The following DYNC2H1 variants were observed in gnomAD, a reference collection of about 807,000 sequenced individuals.
DYNC2H1 encodes the protein cytoplasmic dynein 2 heavy chain 1.
DYNC2H1 carries 410 observed loss-of-function variants against 570.0 expected under a neutral mutation model. The observed-to-expected ratio is 0.72, with a 90% confidence interval of 0.66 to 0.78. The LOEUF (loss-of-function observed/expected upper bound fraction) is 0.78, where lower values mean the gene tolerates loss of function less well. Ranked by LOEUF, DYNC2H1 falls within the 30% of genes least tolerant of loss-of-function variation. The pLI, the probability that DYNC2H1 is intolerant of heterozygous loss-of-function variation, is 0.00. For missense variants in DYNC2H1, 4,865 were observed against 5,046.4 expected, an observed-to-expected ratio of 0.96 and a Z score of 1.09; for synonymous variants, 1,688 against 1,677.6, an observed-to-expected ratio of 1.01 and a Z score of -0.15.
intron 55 of DYNC2H1, among the ~76,000 whole-genome samples, chr11:103,217,711 A>G (rs1863438068): frequency 1.3e-5 from 2 of 152,166 alleles, no homozygotes; most frequent in Admixed American, 1.3e-4. Flanking sequence ...TAGAAAAAGA[A>G]AATTGATAAA....
intron 13 of DYNC2H1, among the ~76,000 whole-genome samples, chr11:103,130,286 T>G (rs918054233): frequency 6.6e-6 from 1 of 152,160 alleles, no homozygotes; most frequent in African/African-American, 2.4e-5. Context: ...TGAGCCACTC[T>G]TATCAGAGTG....
Position 103,276,821 on chromosome 11 carries a change from A to G in DYNC2H1, c.10696-3527A>G, listed in dbSNP as rs144390284. 3.7e-3 allele frequency among the ~76,000 whole-genome samples: 558 copies of G among 152,156 alleles called. 2 individuals carry two copies. Among genetic ancestry groups the G allele is most frequent in the African/African-American group, 0.013 (533 of 41,552 alleles). ...CTTTCAATGACTGTCCTTATTTCTT[A>G]TTAGGAGCACATACGTGATCCCTTT... On this transcript the variant is annotated intron_variant, in intron 70 of 88. Coordinates refer to ENST00000375735, the MANE Select transcript of DYNC2H1 (RefSeq NM_001377.3).
intron 17 of DYNC2H1, 109 bp from the exon 18 acceptor site, chr11:103,143,159 C>T: frequency 1.9e-6 from 2 of 1,069,158 alleles, no homozygotes; most frequent in South Asian, 1.7e-5. Flanking sequence ...CACTTGAATA[C>T]CTCATATTTT....
At chr11:103,152,005 C>T (rs1379184991) in intron 20 of DYNC2H1, 131 bp from the exon 21 acceptor site, 1 of 1,047,236 alleles carries the variant, frequency 9.5e-7, no homozygotes, top group African/African-American at 1.6e-5. Context: ...AGGAATTTAA[C>T]AAACTGTTTA....
intron 82 of DYNC2H1, among the ~76,000 whole-genome samples, chr11:103,332,544 T>C (rs1294941289): frequency 6.6e-6 from 1 of 152,096 alleles, no homozygotes; most frequent in Admixed American, 6.5e-5. Flanking sequence ...GAAAGTATTG[T>C]GGGGGAAACA....
intron 83 of DYNC2H1, among the ~76,000 whole-genome samples, chr11:103,384,712 A>G (rs1219399412): frequency 6.6e-6 from 1 of 152,136 alleles, no homozygotes; most frequent in African/African-American, 2.4e-5. Context: ...CCAACTTTAT[A>G]TGCAGTTATG....
chr11:103,186,317 C>T lies in DYNC2H1; in HGVS notation c.6709C>T (p.Arg2237Ter), dbSNP rs763241302. The stretch of plus-strand genomic sequence containing the variant: ...TACCTACTATGACTCTACTAGGGGT[C>T]GATTAGCAACATATGTGCTTAAGAA... ...MDTYYDSTRG[R>*]LATYVLKKPE... Residue 2237 changes from arginine to a stop codon, truncating the protein, a stop_gained, in exon 42 of 89, where the codon CGA becomes TGA. Transcript: ENST00000375735. LOFTEE classifies it high-confidence loss of function. This position sits in a 1 kb window ranked among gnomAD's most constrained non-coding sequence, Gnocchi z 4.5. The T allele has an allele frequency of 1.9e-6, 3 of 1,612,518 alleles. No individual in the cohort carries two copies. Among genetic ancestry groups the T allele is most frequent in the Non-Finnish European group, 2.5e-6 (3 of 1,179,106 alleles).
At chr11:103,346,883 A>G (rs533190716) in intron 82 of DYNC2H1, among the ~76,000 whole-genome samples, 1 of 152,206 alleles carries the variant, frequency 6.6e-6, no homozygotes, top group South Asian at 2.1e-4. Flanking sequence ...TCAGACAATT[A>G]TTATCAAAGG....
intron 83 of DYNC2H1, among the ~76,000 whole-genome samples, chr11:103,383,154 A>G (rs1941725099): frequency 1.3e-5 from 2 of 152,188 alleles, no homozygotes; most frequent in South Asian, 4.1e-4. Flanking sequence ...TAAGCTGGAT[A>G]CTGGAGCCAA....
chr11:103,257,500 G>A (rs576046260), intron 68 of DYNC2H1, 108 bp from the exon 69 acceptor site: 2 of 1,133,436 alleles, frequency 1.8e-6, no homozygotes, highest in South Asian at 3.0e-5. Context: ...AAAAAGTAAG[G>A]TTTTTTTATT....
rs766828917 is a variant in DYNC2H1, at chr11:103,176,375, C to A, written c.5815C>A (p.Leu1939Ile). The A allele has an allele frequency of 1.3e-6, 2 of 1,593,902 alleles. No individual in the cohort carries two copies. The highest frequency in any genetic ancestry group is 2.3e-5 in the South Asian group (2 of 86,228). ...IELKEVEYDE[L>I]SAALKQVFEE... ...ATTGAAAGAAGTGGAATATGATGAA[C>A]TAAGTGCTGCATTAAAGCAGGTCTT... Residue 1939 changes from leucine (L) to isoleucine (I), a missense_variant, in exon 37 of 89, where the codon CTA (leucine) becomes ATA (isoleucine). Around this residue, in one of 5 missense-constraint regions of DYNC2H1, gnomAD observed 292 missense variants for 300.2 expected, o/e 0.97. Transcript: ENST00000375735.
At chr11:103,317,144 A>T (rs1057126604) in intron 80 of DYNC2H1, among the ~76,000 whole-genome samples, 6 of 152,130 alleles carry the variant, frequency 3.9e-5, no homozygotes, top group African/African-American at 1.4e-4. Flanking sequence ...GGAGGGGGAC[A>T]CTAGAGTTTA....
At chr11:103,260,773 C>G (rs1865247768) in intron 70 of DYNC2H1, among the ~76,000 whole-genome samples, 1 of 151,906 alleles carries the variant, frequency 6.6e-6, no homozygotes, top group Admixed American at 6.6e-5. Flanking sequence ...GCGTGCACCA[C>G]CATGCCTGGG....
intron 82 of DYNC2H1, among the ~76,000 whole-genome samples, chr11:103,352,900 A>T (rs536368088): frequency 6.6e-6 from 1 of 152,356 alleles, no homozygotes; most frequent in South Asian, 2.1e-4. Flanking sequence ...AATCAACCCA[A>T]TGCCCATCAA....
intron 55 of DYNC2H1, among the ~76,000 whole-genome samples, chr11:103,217,615 A>G (rs1863434290): frequency 6.6e-6 from 1 of 152,176 alleles, no homozygotes. Context: ...AGTGTAGAAC[A>G]TGAAATTATA....
intron 78 of DYNC2H1, among the ~76,000 whole-genome samples, chr11:103,310,651 T>TA (rs968792660): frequency 2.7e-5 from 4 of 150,314 alleles, no homozygotes; most frequent in Non-Finnish European, 3.0e-5. Context: ...GATAGGTACT[T>TA]AATACTTCAG....
chr11:103,243,058 A>G lies in DYNC2H1; in HGVS notation c.9820-635A>G, dbSNP rs1410926910. ...ATGTTCTATAATGAATTTAGTTTTT[A>G]GTTCATTTCATTAGATCTTAACCTA... is the stretch of plus-strand genomic sequence containing the variant. On this transcript the variant is annotated intron_variant, in intron 63 of 88. Transcript: ENST00000375735. This position sits in a 1 kb window ranked among gnomAD's most constrained non-coding sequence, Gnocchi z 4.8. Among the ~76,000 whole-genome samples, 1 of 152,004 alleles carries G rather than the reference A, an allele frequency of 6.6e-6. No individual in the cohort carries two copies. Among genetic ancestry groups the G allele is most frequent in the Non-Finnish European group, 1.5e-5 (1 of 67,978 alleles).
intron 84 of DYNC2H1, among the ~76,000 whole-genome samples, chr11:103,428,424 T>C (rs1227711648): frequency 6.6e-6 from 1 of 152,154 alleles, no homozygotes; most frequent in African/African-American, 2.4e-5. Context: ...CTAGCAAAAC[T>C]TCACAGAAGG....
At chr11:103,262,502 C>A (rs939024369) in intron 70 of DYNC2H1, among the ~76,000 whole-genome samples, 2 of 152,162 alleles carry the variant, frequency 1.3e-5, no homozygotes, top group African/African-American at 4.8e-5. Flanking sequence ...CAGGGGATCT[C>A]TCTGCAGAAA....
Sources: gnomAD v4.1 joint callset for allele counts (sites outside exome capture counted in the v4.1 genomes callset) on GRCh38, gnomAD v4.1.1 for gene constraint, gnomAD v4.1.1 regional missense constraint, Gnocchi (gnomAD v3.1) non-coding constraint, MANE v1.5 for transcripts, NCBI Gene and HGNC (gene_info 2026-07-23, HGNC 2026-07-21) for gene names.